Variants in STAU2 observed in about 807,000 individuals in gnomAD.
STAU2 encodes the protein double-stranded RNA-binding protein Staufen homolog 2.
STAU2 carries 20 observed loss-of-function variants against 65.9 expected under a neutral mutation model. The observed-to-expected ratio is 0.30, with a 90% CI of 0.21 to 0.44. The LOEUF (loss-of-function observed/expected upper bound fraction) is 0.44, where lower values mean the gene tolerates loss of function less well. Among genes scored for constraint, STAU2 ranks in the 20% least tolerant of loss-of-function variants. The pLI, the probability that STAU2 is intolerant of heterozygous loss-of-function variation, is 1.00. For missense variants in STAU2, 558 were observed against 683.9 expected (o/e 0.82, Z 2.05); for synonymous variants, 232 against 233.9 (o/e 0.99, Z 0.07).
At chr8:73,473,638 G>C (rs915950123) in intron 13 of STAU2, among the ~76,000 whole-genome samples, 8 of 151,834 alleles carry the variant, frequency 5.3e-5, no homozygotes, top group African/African-American at 1.9e-4. Flanking sequence ...CTGAACATTG[G>C]CCTGGAAGGA....
intron 10 of STAU2, among the ~76,000 whole-genome samples, chr8:73,596,151 A>G (rs558162677): frequency 4.6e-5 from 7 of 151,990 alleles, no homozygotes; most frequent in African/African-American, 1.7e-4. Flanking sequence ...AGATTGGGAT[A>G]TGAAACTCAA....
chr8:73,594,508 A>G (rs1167633777), intron 11 of STAU2, among the ~76,000 whole-genome samples: 4 of 152,234 alleles, frequency 2.6e-5, no homozygotes, highest in African/African-American at 9.6e-5. Context: ...AATAATGTCT[A>G]CATATCCACA....
chr8:73,421,084 C>A lies in STAU2; in HGVS notation c.*288G>T. On this transcript the variant is annotated 3_prime_UTR_variant, in exon 15 of 15. Transcript: ENST00000524300. ...TAAAATTTTAGCTTTGTTTCTAACACTTTTCTTTACTTGTTATTTTAAGCT... is the reference window on the plus strand; with the variant it reads ...TAAAATTTTAGCTTTGTTTCTAACAATTTTCTTTACTTGTTATTTTAAGCT... The A allele has an allele frequency of 3.3e-6, 1 of 302,764 alleles. No individual in the cohort carries two copies. The allele number at this position is 302,764 out of a possible 1,614,324, so 18.8% of individuals were successfully genotyped here.
chr8:73,586,646 C>CAAAAAAAAAAAAAAAAAAAAAAAAAACAA (rs56687221), intron 11 of STAU2, among the ~76,000 whole-genome samples: 1 of 62,738 alleles, frequency 1.6e-5, no homozygotes, highest in Non-Finnish European at 3.6e-5. Context: ...AAAAAAAATG[C>CAAAAAAAAAAAAAAAAAAAAAAAAAACAA]AAAAAAAAAA....
intron 13 of STAU2, among the ~76,000 whole-genome samples, chr8:73,465,104 GA>G (rs1476653134): frequency 3.9e-5 from 6 of 152,202 alleles, no homozygotes; most frequent in Non-Finnish European, 8.8e-5. Flanking sequence ...TCAAAGAGCA[GA>G]AAAATGCAAA....
intron 13 of STAU2, among the ~76,000 whole-genome samples, chr8:73,480,467 C>T (rs533848983): frequency 1.2e-4 from 18 of 152,136 alleles, no homozygotes; most frequent in Non-Finnish European, 1.9e-4. Flanking sequence ...GGTGACAACA[C>T]GAAGAGGGAT....
intron 13 of STAU2, among the ~76,000 whole-genome samples, chr8:73,426,273 C>T (rs980112375): frequency 2.6e-5 from 4 of 151,816 alleles, no homozygotes; most frequent in South Asian, 2.1e-4. Flanking sequence ...GTAATTAGTA[C>T]ATCAATCATC....
intron 3 of STAU2, chr8:73,727,949 C>T (rs1326300035): frequency 6.6e-6 from 1 of 152,214 alleles, no homozygotes; most frequent in Non-Finnish European, 1.5e-5. Context: ...TTTTCATTTG[C>T]ATCTCCCTGA....
chr8:73,437,907 G>C (rs1817832149), intron 13 of STAU2, among the ~76,000 whole-genome samples: 3 of 152,114 alleles, frequency 2.0e-5, no homozygotes, highest in African/African-American at 7.2e-5. Flanking sequence ...AGCCTCCCCT[G>C]CCCTTGGAAG....
intron 13 of STAU2, among the ~76,000 whole-genome samples, chr8:73,508,665 T>C (rs557536092): frequency 1.3e-5 from 2 of 152,310 alleles, no homozygotes; most frequent in Non-Finnish European, 2.9e-5. Context: ...TGGTAAACAA[T>C]GCACTTTCTG....
chr8:73,607,017 G>T (rs758577330), intron 9 of STAU2, among the ~76,000 whole-genome samples: 59 of 152,212 alleles, frequency 3.9e-4, no homozygotes, highest in Admixed American at 7.9e-4. Context: ...GATTACAAAG[G>T]GGCATAAGGA....
At chr8:73,540,224 T>C (rs1011850333) in intron 13 of STAU2, among the ~76,000 whole-genome samples, 1 of 152,116 alleles carries the variant, frequency 6.6e-6, no homozygotes, top group Non-Finnish European at 1.5e-5. Flanking sequence ...CGAAATCTAA[T>C]AACAAGTCCC....
intron 6 of STAU2, among the ~76,000 whole-genome samples, chr8:73,656,073 G>A (rs550982880): frequency 2.0e-5 from 3 of 152,274 alleles, no homozygotes; most frequent in South Asian, 2.1e-4. Flanking sequence ...ATGAGTCACC[G>A]TGCCAGGCCA....
chr8:73,720,461 ATGT>A (rs1821563380), intron 3 of STAU2, among the ~76,000 whole-genome samples: 1 of 141,070 alleles, frequency 7.1e-6, no homozygotes, highest in Non-Finnish European at 1.6e-5. Context: ...ATATCTCCTA[ATGT>A]TGTATTGCTG....
chr8:73,630,238 G>A (rs1012034875), intron 6 of STAU2, among the ~76,000 whole-genome samples: 2 of 152,202 alleles, frequency 1.3e-5, no homozygotes, highest in Non-Finnish European at 2.9e-5. Flanking sequence ...CTGCAGATAC[G>A]CAAGGTATGC....
intron 11 of STAU2, among the ~76,000 whole-genome samples, chr8:73,583,655 T>C (rs1321771841): frequency 1.3e-5 from 2 of 150,596 alleles, no homozygotes; most frequent in Non-Finnish European, 3.0e-5. Flanking sequence ...AAAATACAAA[T>C]ATAAAAAAAA....
At chr8:73,507,399 ACT>A (rs1156240604) in intron 13 of STAU2, among the ~76,000 whole-genome samples, 13 of 150,510 alleles carry the variant, frequency 8.6e-5, no homozygotes, top group Admixed American at 4.6e-4. Context: ...GACCAGGTAC[ACT>A]GTCAATGAGC....
At chr8:73,446,526 G>A (rs745640543) in intron 13 of STAU2, among the ~76,000 whole-genome samples, 48 of 152,202 alleles carry the variant, frequency 3.2e-4, no homozygotes, top group Non-Finnish European at 5.7e-4. Context: ...GGACCTCTCT[G>A]TACTATTTCT....
At chr8:73,592,248 T>C (rs905854822) in intron 11 of STAU2, among the ~76,000 whole-genome samples, 8 of 151,606 alleles carry the variant, frequency 5.3e-5, no homozygotes, top group African/African-American at 1.9e-4. Flanking sequence ...AAGAAATAAA[T>C]GATCAATATC....
Sources: allele counts gnomAD v4.1 joint callset (sites outside exome capture counted in the v4.1 genomes callset), GRCh38; gene constraint gnomAD v4.1.1; transcripts MANE v1.5; gene names NCBI Gene and HGNC (gene_info 2026-07-23, HGNC 2026-07-21).